Variants in FAR2 observed in about 807,000 individuals in gnomAD.
FAR2 encodes the protein epididymis secretory protein Li 81.
In FAR2, 19 loss-of-function variants were observed where a neutral mutation model predicts 56.0. The observed-to-expected ratio is 0.34, with a 90% CI of 0.24 to 0.50. The LOEUF (loss-of-function observed/expected upper bound fraction) is 0.50. FAR2 is among the 20% of genes least tolerant of loss of function. The pLI is 0.98. For missense variants in FAR2, 508 were observed against 642.2 expected, an observed-to-expected ratio of 0.79 and a Z score of 2.26; for synonymous variants, 219 against 218.8, an observed-to-expected ratio of 1.00 and a Z score of -0.01.
intron 7 of FAR2, 129 bp downstream of exon 7, chr12:29,311,275 T>G: frequency 1.5e-6 from 1 of 659,906 alleles, no homozygotes; most frequent in Non-Finnish European, 2.7e-6. Flanking sequence ...TTTCAATATT[T>G]TATAGAGTTC....
chr12:29,170,780 C>T (rs561081067), intron 1 of FAR2, among the ~76,000 whole-genome samples: 10 of 152,172 alleles, frequency 6.6e-5, no homozygotes, highest in Non-Finnish European at 1.3e-4. Context: ...CTGACTTTCT[C>T]TTTCTCTCTT....
intron 2 of FAR2, among the ~76,000 whole-genome samples, chr12:29,288,178 C>A (rs528270695): frequency 7.9e-5 from 12 of 152,304 alleles, no homozygotes; most frequent in African/African-American, 2.9e-4. Flanking sequence ...AGTTTCCAAT[C>A]TGAAATGCTT....
chr12:29,170,615 C>G (rs529886994), intron 1 of FAR2, among the ~76,000 whole-genome samples: 103 of 151,770 alleles, frequency 6.8e-4, no homozygotes, highest in African/African-American at 2.4e-3. Flanking sequence ...CTGTTTCTTC[C>G]TTTCTCTCTT....
rs1019916273 is a variant in FAR2, at chr12:29,240,231, T to C, written c.-38-30181T>C. Among the ~76,000 whole-genome samples, 3 of 152,168 alleles carry C rather than the reference T, an allele frequency of 2.0e-5. No homozygotes were observed. In the East Asian group the frequency reaches 5.8e-4, roughly 29 times the overall value. ...ACCTTCCCTTTAGTAAGCAAAAACA[T>C]AACTCATGCCAGATTCCAAGCATTC... On this transcript the variant is annotated intron_variant, in intron 1 of 11. Transcript: ENST00000536681.
At chr12:29,182,241 A>T (rs1949999071) in intron 1 of FAR2, among the ~76,000 whole-genome samples, 1 of 152,228 alleles carries the variant, frequency 6.6e-6, no homozygotes, top group African/African-American at 2.4e-5. Context: ...GAGTGAAAGA[A>T]CACAGCTTCC....
At chr12:29,320,264 A>AT (rs1003712166) in intron 9 of FAR2, among the ~76,000 whole-genome samples, 86 of 152,330 alleles carry the variant, frequency 5.6e-4, no homozygotes, top group African/African-American at 2.0e-3. Context: ...TTTCTAAAAC[A>AT]TATCATTAGG....
At chr12:29,157,524 AC>A (rs1264254399) in intron 1 of FAR2, among the ~76,000 whole-genome samples, 2 of 152,128 alleles carry the variant, frequency 1.3e-5, no homozygotes, top group African/African-American at 4.8e-5. Context: ...GGCTTCTCCA[AC>A]CACTTACTCA....
At position 29,216,276 on chromosome 12, in the gene FAR2, G is replaced by A. The variant is rs1395823080; in HGVS notation, c.-38-54136G>A. ...GTCCTTCAGCAGTCTTATTTACAACGTCCCACCCAATGACTGCTCTATTTC... is the reference window on the plus strand; with the variant it reads ...GTCCTTCAGCAGTCTTATTTACAACATCCCACCCAATGACTGCTCTATTTC... On this transcript the variant is annotated intron_variant, in intron 1 of 11. Transcript: ENST00000536681. Among the ~76,000 whole-genome samples the A allele has an allele frequency of 7.9e-5, 12 of 152,256 alleles. 1 individual carries two copies. In the East Asian group the frequency reaches 1.5e-3, roughly 20 times the overall value.
At chr12:29,234,490 T>A (rs1947907149) in intron 1 of FAR2, among the ~76,000 whole-genome samples, 1 of 152,154 alleles carries the variant, frequency 6.6e-6, no homozygotes, top group African/African-American at 2.4e-5. Context: ...ATATTTTGAT[T>A]CAGGCTCTCT....
intron 1 of FAR2, among the ~76,000 whole-genome samples, chr12:29,178,615 AT>A (rs1269656527): frequency 6.6e-6 from 1 of 151,092 alleles, no homozygotes; most frequent in African/African-American, 2.4e-5. Context: ...TCTTGTCTCA[AT>A]TTTTTTTTCA....
At chr12:29,298,806 C>A (rs2136763087) in intron 4 of FAR2, among the ~76,000 whole-genome samples, 1 of 152,280 alleles carries the variant, frequency 6.6e-6, no homozygotes, top group East Asian at 1.9e-4. Context: ...GAGGGGCAGA[C>A]CCCTTTTGAT....
intron 1 of FAR2, among the ~76,000 whole-genome samples, chr12:29,250,583 A>G (rs1948192352): frequency 6.6e-6 from 1 of 152,208 alleles, no homozygotes; most frequent in South Asian, 2.1e-4. Context: ...ATAATTTTTG[A>G]AAGATGGCAT....
At chr12:29,251,493 A>G (rs1167771588) in intron 1 of FAR2, among the ~76,000 whole-genome samples, 1 of 152,160 alleles carries the variant, frequency 6.6e-6, no homozygotes, top group Non-Finnish European at 1.5e-5. Flanking sequence ...TCAGAATAGG[A>G]GGTCAGGTGA....
chr12:29,299,213 CAAAAA>C (rs71042981), intron 4 of FAR2, among the ~76,000 whole-genome samples: 4 of 103,586 alleles, frequency 3.9e-5, no homozygotes, highest in African/African-American at 1.2e-4. Context: ...AACTTTGTCT[CAAAAA>C]AAAAAAAAAA....
intron 2 of FAR2, among the ~76,000 whole-genome samples, chr12:29,271,175 A>G (rs905116040): frequency 2.0e-5 from 3 of 152,208 alleles, no homozygotes; most frequent in South Asian, 2.1e-4. Flanking sequence ...AGGTAAAAAC[A>G]TTGGAAATAA....
chr12:29,299,718 C>T (rs1359147759), intron 4 of FAR2, among the ~76,000 whole-genome samples: 1 of 152,230 alleles, frequency 6.6e-6, no homozygotes, highest in Non-Finnish European at 1.5e-5. Context: ...TCATCTCTCT[C>T]AGTCCTCCCC....
At chr12:29,219,243 TTA>T (rs1947657676) in intron 1 of FAR2, among the ~76,000 whole-genome samples, 1 of 152,128 alleles carries the variant, frequency 6.6e-6, no homozygotes, top group South Asian at 2.1e-4. Flanking sequence ...CTCACAGGAT[TTA>T]TTTATATGAG....
rs1555123662 is a variant in FAR2, at chr12:29,311,666, T to TCTCACACACACACACA, written c.888-216_888-215insTCACACACACACACAC. Among the ~76,000 whole-genome samples the TCTCACACACACACACA allele has an allele frequency of 4.7e-5, 7 of 147,532 alleles. No individual in the cohort carries two copies. The East Asian group carries it at 9.9e-4, about 21-fold the overall frequency. ...ATGTCACTCCTATTTAACATCTCTT[T>TCTCACACACACACACA]CACACACACACACACACACACACAC... On this transcript the variant is annotated intron_variant, in intron 7 of 11. Transcript: ENST00000536681.
At chr12:29,163,776 T>C (rs970488423) in intron 1 of FAR2, among the ~76,000 whole-genome samples, 1 of 152,206 alleles carries the variant, frequency 6.6e-6, no homozygotes, top group Non-Finnish European at 1.5e-5. Context: ...AATTTTTAGG[T>C]TGGAAGAAAC....
Sources: gnomAD v4.1 joint callset for allele counts (sites outside exome capture counted in the v4.1 genomes callset) on GRCh38, gnomAD v4.1.1 for gene constraint, MANE v1.5 for transcripts, NCBI Gene and HGNC (gene_info 2026-07-23, HGNC 2026-07-21) for gene names.